PCDHGB2: variants seen among roughly 807,000 people sequenced by gnomAD.
PCDHGB2 encodes the protein protocadherin gamma subfamily B, 2.
PCDHGB2 carries 55 observed loss-of-function variants against 59.3 expected under a neutral mutation model. The ratio of observed to expected loss-of-function variants is 0.93; its 90% CI spans 0.75 to 1.16. The LOEUF is 1.16. Ranked by LOEUF, PCDHGB2 falls within the 50% of genes most tolerant of loss-of-function variation. The pLI is 0.00. For synonymous variants in PCDHGB2, 516 were observed against 512.0 expected (o/e 1.01, Z -0.11); for missense variants, 1,228 against 1,198.5 (o/e 1.02, Z -0.36).
intron 1 of PCDHGB2, chr5:141,388,082 G>A (rs2091230905): frequency 2.9e-6 from 4 of 1,367,298 alleles, no homozygotes; most frequent in Non-Finnish European, 4.0e-6. Flanking sequence ...CTCGAAAACT[G>A]CGCGTCAGTT....
intron 1 of PCDHGB2, chr5:141,383,671 G>T: frequency 6.2e-7 from 1 of 1,613,998 alleles, no homozygotes; most frequent in Non-Finnish European, 8.5e-7. Flanking sequence ...TGTGCCAGTG[G>T]GTACAAGACT....
At chr5:141,408,702 T>C (rs769871063) in intron 1 of PCDHGB2, 6 of 1,613,208 alleles carry the variant, frequency 3.7e-6, no homozygotes, top group South Asian at 3.3e-5. Flanking sequence ...ATAAACTCAA[T>C]TAAAGATTAT....
intron 1 of PCDHGB2, chr5:141,419,575 C>T (rs2096401495): frequency 6.2e-7 from 1 of 1,611,782 alleles, no homozygotes. Context: ...CCGACGGCTC[C>T]GCGCTCTTCG....
chr5:141,407,355 A>C (rs991392072), intron 1 of PCDHGB2, among the ~76,000 whole-genome samples: 8 of 152,198 alleles, frequency 5.3e-5, no homozygotes, highest in Non-Finnish European at 1.0e-4. Context: ...TTTGGGGAAA[A>C]CATAACAGAT....
chr5:141,384,594 G>A (rs769496358), intron 1 of PCDHGB2: 6 of 1,614,162 alleles, frequency 3.7e-6, no homozygotes, highest in East Asian at 2.2e-5. Context: ...TCCTGTACCC[G>A]GCCCTCCCCA....
At chr5:141,366,464 C>A in intron 1 of PCDHGB2, 8 of 1,614,226 alleles carry the variant, frequency 5.0e-6, no homozygotes, top group Non-Finnish European at 6.8e-6. Context: ...CATCGTGCTG[C>A]TGGTGCTCAG....
rs1334123861 is a variant in PCDHGB2, at chr5:141,414,743, C to G, written c.2421+52187C>G. On this transcript the variant is annotated intron_variant, in intron 1 of 3. Coordinates refer to ENST00000522605, the MANE Select transcript of PCDHGB2 (RefSeq NM_018923.3). ...ACTGGCGTCCTGTATGCACTCAGAT[C>G]CTTCGACTATGAGCAGTTTCATGAG... 1.9e-6 allele frequency: 3 copies of G among 1,614,216 alleles called. No homozygotes were observed. In the East Asian group the frequency reaches 6.7e-5, roughly 36 times the overall value.
rs1334650353 is a variant in PCDHGB2, at chr5:141,493,099, A to T, written c.2422-1708A>T. Among the ~76,000 whole-genome samples, 1 of 152,192 alleles carries T rather than the reference A, an allele frequency of 6.6e-6. No homozygotes were observed. Among genetic ancestry groups the T allele is most frequent in the East Asian group, 1.9e-4 (1 of 5,198 alleles). On this transcript the variant is annotated intron_variant, in intron 1 of 3. Coordinates refer to ENST00000522605, the MANE Select transcript of PCDHGB2 (RefSeq NM_018923.3). This position sits in a 1 kb window ranked among gnomAD's most constrained non-coding sequence, Gnocchi z 4.3. ...CTCCAGGAGCTTTTATTCAAAATAT[A>T]TCAATGCCTAACTCTGCTCCTAGGA... is the stretch of plus-strand genomic sequence containing the variant.
In PCDHGB2 at chr5:141,439,058, TGGCA is replaced by T. The variant is rs1241503235; in HGVS notation, c.2422-55745_2422-55742del. On this transcript the variant is annotated intron_variant, in intron 1 of 3. Transcript: ENST00000522605. ...CAGTTCATAAGATTTCCATATTGTG[TGGCA>T]GGCGCCTGTAATCCCAGCTACTCAG... 2.0e-5 allele frequency among the ~76,000 whole-genome samples: 3 copies of T among 151,580 alleles called. No individual in the cohort carries two copies. The East Asian group carries it at 5.9e-4, about 30-fold the overall frequency.
chr5:141,414,657 C>T (rs1313928067), intron 1 of PCDHGB2: 1 of 1,614,004 alleles, frequency 6.2e-7, no homozygotes, highest in Admixed American at 1.7e-5. Context: ...TTATTTACTC[C>T]CTGGCTGAAG....
intron 2 of PCDHGB2, among the ~76,000 whole-genome samples, chr5:141,503,595 G>A (rs6892628): frequency 7.1e-6 from 1 of 140,086 alleles, no homozygotes. Context: ...CGAGACTCCA[G>A]CTCAAAAAAA....
chr5:141,476,803 T>G lies in PCDHGB2; in HGVS notation c.2422-18004T>G, dbSNP rs756358461. 3 of 1,613,688 alleles carry G rather than the reference T, an allele frequency of 1.9e-6. No individual in the cohort carries two copies. The highest frequency in any genetic ancestry group is 2.2e-5 in the South Asian group (2 of 91,092). ...CCCCAGCTCTCTCCGCCAGCCTGCCTATTCACATCAAGGTGCTGGACGCGA... is the reference window on the plus strand; with the variant it reads ...CCCCAGCTCTCTCCGCCAGCCTGCCGATTCACATCAAGGTGCTGGACGCGA... On this transcript the variant is annotated intron_variant, in intron 1 of 3. Transcript: ENST00000522605. The surrounding 1 kb of genome is among the most constrained non-coding windows in gnomAD (Gnocchi z 7.6).
At chr5:141,407,559 G>A (rs1210777840) in intron 1 of PCDHGB2, among the ~76,000 whole-genome samples, 1 of 151,834 alleles carries the variant, frequency 6.6e-6, no homozygotes, top group African/African-American at 2.4e-5. Context: ...TAGAACATAA[G>A]CTGAAAGATA....
At chr5:141,365,693 G>T in intron 1 of PCDHGB2, 1 of 1,613,362 alleles carries the variant, frequency 6.2e-7, no homozygotes, top group Non-Finnish European at 8.5e-7. Flanking sequence ...TTTCCCTCAA[G>T]CCTCCTACTC....
chr5:141,496,152 C>T (rs771462960), intron 2 of PCDHGB2, among the ~76,000 whole-genome samples: 2 of 152,080 alleles, frequency 1.3e-5, no homozygotes, highest in Non-Finnish European at 1.5e-5. Flanking sequence ...GATCGCAGCT[C>T]TCCACCAGAC....
chr5:141,432,650 G>T lies in PCDHGB2; in HGVS notation c.2422-62157G>T. 6.2e-7 allele frequency: 1 copy of T among 1,613,868 alleles called. No individual in the cohort carries two copies. The highest frequency in any genetic ancestry group is 1.1e-5 in the South Asian group (1 of 91,064). On this transcript the variant is annotated intron_variant, in intron 1 of 3. Transcript: ENST00000522605. The surrounding 1 kb of genome is among the most constrained non-coding windows in gnomAD (Gnocchi z 6.0). The stretch of plus-strand genomic sequence containing the variant: ...CACGGGCGAGGTGCGCACGGCGCGA[G>T]CCCTGCTGGACAGAGACGCGCTCAA...
Position 141,491,842 on chromosome 5 carries a change from T to C in PCDHGB2, c.2422-2965T>C, listed in dbSNP as rs551615550. The C allele has an allele frequency of 7.5e-6, 11 of 1,464,162 alleles. No homozygotes were observed. In the South Asian group the frequency reaches 1.3e-4, roughly 17 times the overall value. 90.7% of individuals were successfully genotyped at this position (1,464,162 alleles called of 1,614,324 possible). ...GCGCTCCACCCGATTCTCGGGATCA[T>C]TGGACCGTTTGCGCGAAACCAGAGT... On this transcript the variant is annotated intron_variant, in intron 1 of 3. Transcript: ENST00000522605. The surrounding 1 kb of genome is among the most constrained non-coding windows in gnomAD (Gnocchi z 6.9).
chr5:141,476,036 A>G lies in PCDHGB2; in HGVS notation c.2422-18771A>G. The G allele has an allele frequency of 1.4e-6, 2 of 1,471,164 alleles. No individual in the cohort carries two copies. Among genetic ancestry groups the G allele is most frequent in the Non-Finnish European group, 1.8e-6 (2 of 1,106,602 alleles). 91.1% of individuals were successfully genotyped at this position (1,471,164 alleles called of 1,614,324 possible). ...ATGTCGGACTCGGCGCCCAGCGCCCAAGCGCTAACCCGCTGAAAGTTTCTC... is the reference window on the plus strand; with the variant it reads ...ATGTCGGACTCGGCGCCCAGCGCCCGAGCGCTAACCCGCTGAAAGTTTCTC... On this transcript the variant is annotated intron_variant, in intron 1 of 3. Transcript: ENST00000522605. The surrounding 1 kb of genome is among the most constrained non-coding windows in gnomAD (Gnocchi z 7.6).
At chr5:141,387,557 G>A in intron 1 of PCDHGB2, 1 of 416,144 alleles carries the variant, frequency 2.4e-6, no homozygotes. Flanking sequence ...TTTCAGTTAG[G>A]CACACAATTA....
Sources: allele counts gnomAD v4.1 joint callset (sites outside exome capture counted in the v4.1 genomes callset), GRCh38; gene constraint gnomAD v4.1.1; non-coding constraint Gnocchi (gnomAD v3.1); transcripts MANE v1.5; gene names NCBI Gene and HGNC (gene_info 2026-07-23, HGNC 2026-07-21).